ACTR3C: variants seen among roughly 807,000 people sequenced by gnomAD.
The protein encoded by ACTR3C is actin related protein 3C, also known as actin-related protein 3C.
ACTR3C carries 18 observed loss-of-function variants against 26.3 expected under a neutral mutation model. That is an observed-to-expected ratio of 0.68 (90% CI 0.47 to 1.01). The LOEUF (loss-of-function observed/expected upper bound fraction) is 1.01, where lower values mean the gene tolerates loss of function less well. Among genes scored for constraint, ACTR3C ranks in the 50% least tolerant of loss-of-function variants. The pLI is 0.00. For missense variants in ACTR3C, 184 were observed against 250.7 expected (o/e 0.73, Z 1.80); for synonymous variants, 55 against 94.5 (o/e 0.58, Z 2.42).
chr7:150,219,795 G>A, the ACTR3C span, among the ~76,000 whole-genome samples: 4 of 144,956 alleles, frequency 2.8e-5, no homozygotes, highest in African/African-American at 1.1e-4. Context: ...GCCAGCGCCA[G>A]CGCCCGCGGG....
the ACTR3C span, among the ~76,000 whole-genome samples, chr7:150,026,415 C>G: frequency 4.6e-5 from 7 of 152,098 alleles, no homozygotes; most frequent in African/African-American, 1.7e-4. Context: ...TCTCAGGCCT[C>G]TATTATTTCA....
the ACTR3C span, among the ~76,000 whole-genome samples, chr7:149,883,608 C>A: frequency 3.3e-4 from 51 of 152,334 alleles, no homozygotes; most frequent in African/African-American, 1.2e-3. Context: ...CGCCTGCGTG[C>A]AGGATGAAGT....
At chr7:150,216,434 G>T in the ACTR3C span, among the ~76,000 whole-genome samples, 1 of 151,820 alleles carries the variant, frequency 6.6e-6, no homozygotes, top group African/African-American at 2.4e-5. Context: ...GGGGTTGTGG[G>T]GGTGAGGGTT....
the ACTR3C span, among the ~76,000 whole-genome samples, chr7:149,978,620 C>T: frequency 0.015 from 2,252 of 151,508 alleles, 18 homozygotes; most frequent in African/African-American, 0.051. Context: ...TATACAGTTG[C>T]TTGACTACAT....
chr7:150,146,554 T>G, the ACTR3C span, among the ~76,000 whole-genome samples: 1 of 151,312 alleles, frequency 6.6e-6, no homozygotes, highest in Admixed American at 6.6e-5. Context: ...ACTGATTTTC[T>G]TTTTTCGGCT....
chr7:150,034,089 C>G, the ACTR3C span, among the ~76,000 whole-genome samples: 1 of 151,264 alleles, frequency 6.6e-6, no homozygotes, highest in East Asian at 1.9e-4. Flanking sequence ...CCTCCCACCC[C>G]GCGATGCAGG....
the ACTR3C span, among the ~76,000 whole-genome samples, chr7:149,894,643 A>G: frequency 1.3e-5 from 2 of 152,380 alleles, no homozygotes; most frequent in East Asian, 1.9e-4. Flanking sequence ...AAAATGCTCA[A>G]TATCACTAAT....
intron 1 of ACTR3C, among the ~76,000 whole-genome samples, chr7:150,299,873 T>A (rs1293271307): frequency 6.6e-6 from 1 of 152,040 alleles, no homozygotes; most frequent in East Asian, 1.9e-4. Flanking sequence ...GATGGAAAAG[T>A]TCTAGAATCT....
At chr7:150,230,535 A>G in the ACTR3C span, among the ~76,000 whole-genome samples, 1 of 151,988 alleles carries the variant, frequency 6.6e-6, no homozygotes, top group Non-Finnish European at 1.5e-5. Flanking sequence ...CCTCCCATCA[A>G]ATTCTCATAG....
At chr7:150,196,078 T>C in the ACTR3C span, among the ~76,000 whole-genome samples, 4,584 of 152,332 alleles carry the variant, frequency 0.03, 233 homozygotes, top group African/African-American at 0.1. Context: ...ACAAATGCAC[T>C]TATATTGGCA....
At chr7:150,255,629 A>T (rs578028347) in intron 6 of ACTR3C, among the ~76,000 whole-genome samples, 25 of 152,070 alleles carry the variant, frequency 1.6e-4, no homozygotes, top group African/African-American at 5.5e-4. Context: ...ACATATGCAG[A>T]CTCTTGCTAG....
chr7:150,008,120 T>C, the ACTR3C span, among the ~76,000 whole-genome samples: 2 of 152,224 alleles, frequency 1.3e-5, no homozygotes, highest in East Asian at 3.8e-4. Flanking sequence ...GATGGAAATG[T>C]TGGACTTGCA....
At chr7:150,058,916 TCAAAAAAACAAA>T in the ACTR3C span, among the ~76,000 whole-genome samples, 41 of 151,780 alleles carry the variant, frequency 2.7e-4, no homozygotes, top group Middle Eastern at 0.01. Context: ...AGACTCTGCC[TCAAAAAAACAAA>T]CAAAAAAACA....
the ACTR3C span, among the ~76,000 whole-genome samples, chr7:150,145,437 G>A: frequency 6.6e-6 from 1 of 151,490 alleles, no homozygotes; most frequent in African/African-American, 2.4e-5. Flanking sequence ...TAGGCCTTGT[G>A]GTCTTTAATC....
chr7:150,023,168 GAT>G, the ACTR3C span, among the ~76,000 whole-genome samples: 1 of 73,788 alleles, frequency 1.4e-5, no homozygotes, highest in African/African-American at 4.2e-5. Context: ...TATCTATATA[GAT>G]ATATAGATAT....
chr7:150,138,152 C>T, the ACTR3C span, among the ~76,000 whole-genome samples: 32 of 152,234 alleles, frequency 2.1e-4, no homozygotes, highest in African/African-American at 7.0e-4. Flanking sequence ...ACCAACTGTA[C>T]GGCATGATGG....
the ACTR3C span, among the ~76,000 whole-genome samples, chr7:150,093,422 G>C: frequency 1.3e-5 from 2 of 151,238 alleles, no homozygotes; most frequent in Non-Finnish European, 2.9e-5. Context: ...GTGAATGTGG[G>C]ATTCTTTTAT....
chr7:150,095,735 G>T, the ACTR3C span, among the ~76,000 whole-genome samples: 3 of 149,982 alleles, frequency 2.0e-5, no homozygotes, highest in African/African-American at 7.6e-5. Context: ...ATGACCCTCT[G>T]TAAAACCATT....
intron 1 of ACTR3C, among the ~76,000 whole-genome samples, chr7:150,297,908 A>T (rs1245791609): frequency 6.6e-6 from 1 of 151,528 alleles, no homozygotes; most frequent in Admixed American, 6.5e-5. Flanking sequence ...ACAGAATGTA[A>T]ATGTTATAAA....
Sources: gnomAD v4.1 joint callset for allele counts (sites outside exome capture counted in the v4.1 genomes callset) on GRCh38, gnomAD v4.1.1 for gene constraint, MANE v1.5 for transcripts, NCBI Gene and HGNC (gene_info 2026-07-23, HGNC 2026-07-21) for gene names.